The following MUC6 variants were observed in gnomAD, a reference collection of about 807,000 sequenced individuals.
MUC6 encodes mucin-6.
In MUC6, 188 loss-of-function variants were observed where a neutral mutation model predicts 201.5. The ratio of observed to expected loss-of-function variants is 0.93; its 90% confidence interval spans 0.83 to 1.05. The LOEUF (loss-of-function observed/expected upper bound fraction) is 1.05, where lower values mean the gene tolerates loss of function less well. Among genes scored for constraint, MUC6 ranks in the 50% least tolerant of loss-of-function variants. The pLI is 0.00. For missense variants in MUC6, 2,706 were observed against 3,256.9 expected (o/e 0.83, Z 4.12); for synonymous variants, 1,228 against 1,389.4 (o/e 0.88, Z 2.58).
chr11:1,035,779 C>G (rs915631255), intron 1 of MUC6, among the ~76,000 whole-genome samples: 11 of 152,148 alleles, frequency 7.2e-5, no homozygotes, highest in African/African-American at 2.4e-4. Flanking sequence ...CCCCAGGGGG[C>G]TCCCGGCTGT....
Position 1,015,859 on chromosome 11 carries a change from A to G in MUC6, c.6942T>C (p.Pro2314=), listed in dbSNP as rs375312933. 6.2e-7 allele frequency: 1 copy of G among 1,606,504 alleles called. No individual in the cohort carries two copies. Among genetic ancestry groups the G allele is most frequent in the Non-Finnish European group, 8.5e-7 (1 of 1,175,920 alleles). ...GGGAGCTGGTCAGGAACCGTGTGGT[A>G]GGCGACAAGGTGGGACCAGGGTGCC... ...TTRHPGPTLS[P]TTRFLTSSLT... is the part of the protein sequence containing the mutation. Residue 2314 remains proline (P), a synonymous_variant, in exon 31 of 33, where the codon CCT becomes CCC. Transcript: ENST00000421673.
intron 20 of MUC6, 47 bp downstream of exon 20, chr11:1,026,280 A>C: frequency 6.5e-7 from 1 of 1,549,656 alleles, no homozygotes; most frequent in Non-Finnish European, 8.7e-7. Context: ...CGCCTGCCCC[A>C]GATGGCCCCA....
At chr11:1,019,826 C>T (rs1052641307) in intron 29 of MUC6, 7 of 646,342 alleles carry the variant, frequency 1.1e-5, no homozygotes, top group Non-Finnish European at 1.9e-5. Flanking sequence ...GGCAGGCTGC[C>T]TGGCAGAGGC....
At position 1,027,673 on chromosome 11, in the gene MUC6, T is replaced by A. The variant is rs1365464144; in HGVS notation, c.1981+12A>T. 1 of 1,592,208 alleles carries A rather than the reference T, an allele frequency of 6.3e-7. No homozygotes were observed. Among genetic ancestry groups the A allele is most frequent in the East Asian group, 2.3e-5 (1 of 43,550 alleles). Reference sequence around the variant, plus strand: ...CTGCCGTGACCCCGCTTAAGCCCCGTCGGGCACTCACTGCAGTTGTCCACA... The same window carrying A: ...CTGCCGTGACCCCGCTTAAGCCCCGACGGGCACTCACTGCAGTTGTCCACA... On this transcript the variant is annotated intron_variant, in intron 16 of 32. Coordinates refer to ENST00000421673, the MANE Select transcript of MUC6 (RefSeq NM_005961.3).
At chr11:1,014,775 C>T (rs1446127815) in intron 31 of MUC6, among the ~76,000 whole-genome samples, 1 of 152,204 alleles carries the variant, frequency 6.6e-6, no homozygotes, top group African/African-American at 2.4e-5. Context: ...GCCTACCTGC[C>T]CGCTGCAGAG....
chr11:1,032,577 GGT>G (rs148681524), intron 2 of MUC6, among the ~76,000 whole-genome samples: 3,212 of 151,166 alleles, frequency 0.021, 122 homozygotes, highest in African/African-American at 0.074. Context: ...GTGTGTGTAG[GGT>G]GTGTGTGTGT....
chr11:1,019,394 G>A lies in MUC6; in HGVS notation c.3911C>T (p.Ala1304Val), dbSNP rs373010370. The change falls in exon 30 of 33, where the codon GCC (alanine) becomes GTC (valine). Residue 1304 changes from alanine (A) to valine (V), a missense_variant. This residue lies in a region of MUC6 where 1,850 missense variants were observed against 1,958.3 expected (regional missense o/e 0.94). Transcript: ENST00000421673. ...GGTCGACGCCGTGGCCCTGGTTGTG[G>A]CCTGGGTCACTGTGGGTTTTGTGGC... is the stretch of plus-strand genomic sequence containing the variant. The part of the protein sequence containing the change: ...STATKPTVTQ[A>V]TTRATASTAS... The A allele has an allele frequency of 6.2e-7, 1 of 1,613,814 alleles. No individual in the cohort carries two copies. Among genetic ancestry groups the A allele is most frequent in the Non-Finnish European group, 8.5e-7 (1 of 1,179,736 alleles).
chr11:1,026,974 G>C lies in MUC6; in HGVS notation c.2361C>G (p.Pro787=). Residue 787 remains proline, a synonymous_variant, in exon 19 of 33, where the codon CCC becomes CCG. Coordinates refer to ENST00000421673, the MANE Select transcript of MUC6 (RefSeq NM_005961.3). ...CACCGGTGGCCAGCATCTGGCATGTGGGGGCACAGGCTGCCCCAAACTTGT... is the reference window on the plus strand; with the variant it reads ...CACCGGTGGCCAGCATCTGGCATGTCGGGGCACAGGCTGCCCCAAACTTGT... The part of the protein sequence containing the change: ...SENKFGAACA[P]TCQMLATGVA... 1 of 1,598,396 alleles carries C rather than the reference G, an allele frequency of 6.3e-7. No homozygotes were observed. Among genetic ancestry groups the C allele is most frequent in the Non-Finnish European group, 8.5e-7 (1 of 1,173,278 alleles).
At chr11:1,031,563 C>T (rs961240329) in intron 4 of MUC6, 44 bp downstream of exon 4, 92 of 1,536,346 alleles carry the variant, frequency 6.0e-5, no homozygotes, top group Middle Eastern at 2.3e-4. Context: ...CCTGCCCCCC[C>T]GTGCTGCGGG....
Position 1,032,021 on chromosome 11 carries a change from C to T in MUC6, c.148G>A (p.Ala50Thr). 1 of 1,613,394 alleles carries T rather than the reference C, an allele frequency of 6.2e-7. No individual in the cohort carries two copies. The highest frequency in any genetic ancestry group is 8.5e-7 in the Non-Finnish European group (1 of 1,179,868). The change falls in exon 3 of 33, where the codon GCT (alanine) becomes ACT (threonine). Residue 50 changes from alanine (A) to threonine (T), a missense_variant. Physicochemically the swap from Ala to Thr is moderately conservative, Grantham distance 58. This residue lies in a region of MUC6 where 1,850 missense variants were observed against 1,958.3 expected (regional missense o/e 0.94). Transcript: ENST00000421673. ...TGGTCGAAGGTGGAGAAGTGACCAG[C>T]CCCCCACGTGGAGCACTGGCCTTTG... ...PDKGQCSTWG[A>T]GHFSTFDHHV... is the part of the protein sequence containing the mutation.
At position 1,016,636 on chromosome 11, in the gene MUC6, T is replaced by C; in HGVS notation, c.6165A>G (p.Thr2055=). The C allele has an allele frequency of 6.2e-7, 1 of 1,614,118 alleles. No homozygotes were observed. The highest frequency in any genetic ancestry group is 8.5e-7 in the Non-Finnish European group (1 of 1,179,904). The change falls in exon 31 of 33, where the codon ACA becomes ACG. Residue 2055 remains threonine, a synonymous_variant. Transcript: ENST00000421673. Reference sequence around the variant, plus strand: ...TTGGTGGGGCTGTGTGGGTGGACCCTGTGGCCTTGAGCGTTGTTGGTGGAG... The same window carrying C: ...TTGGTGGGGCTGTGTGGGTGGACCCCGTGGCCTTGAGCGTTGTTGGTGGAG... ...TVPPPTTLKA[T]GSTHTAPPMT...
chr11:1,035,128 C>T (rs911446218), intron 1 of MUC6, among the ~76,000 whole-genome samples: 1 of 152,122 alleles, frequency 6.6e-6, no homozygotes, highest in Non-Finnish European at 1.5e-5. Context: ...GCGGCCCAGG[C>T]CTGCAGCCCG....
intron 2 of MUC6, 120 bp downstream of exon 2, chr11:1,032,893 G>T: frequency 1.3e-6 from 1 of 782,298 alleles, no homozygotes. Context: ...GTTCATGTTG[G>T]TGCATATATG....
In MUC6 at chr11:1,015,747, A is replaced by C. The variant is rs73393722; in HGVS notation, c.7039+15T>G. ...GAGGTGAGGCCAGGAGAAGGGCCAC[A>C]GAGATGCCACTTACCGGGTGAGGTG... On this transcript the variant is annotated intron_variant, in intron 31 of 32. Coordinates refer to ENST00000421673, the MANE Select transcript of MUC6 (RefSeq NM_005961.3). The C allele has an allele frequency of 1.5e-3, 2,362 of 1,526,394 alleles. 30 individuals are homozygous for C. The African/African-American group carries it at 0.029, about 19-fold the overall frequency. The allele number at this position is 1,526,394 out of a possible 1,614,324, so 94.6% of individuals were successfully genotyped here.
In MUC6 at chr11:1,026,367, A is replaced by G; in HGVS notation, c.2506T>C (p.Tyr836His). The G allele has an allele frequency of 6.2e-7, 1 of 1,602,476 alleles. No homozygotes were observed. The highest frequency in any genetic ancestry group is 8.5e-7 in the Non-Finnish European group (1 of 1,175,114). The change falls in exon 20 of 33, where the codon TAC (tyrosine) becomes CAC (histidine). Residue 836 changes from tyrosine to histidine, a missense_variant. This residue lies in a region of MUC6 where 1,850 missense variants were observed against 1,958.3 expected (regional missense o/e 0.94). Transcript: ENST00000421673. Reference protein sequence around the residue: ...ECPCEFSGVSYPGGAELHTDC... With the variant: ...ECPCEFSGVSHPGGAELHTDC... ...GTGTGGAGCTCAGCTCCTCCAGGGTAGGAGACCCCCGAGAACTCACATGGG... is the reference window on the plus strand; with the variant it reads ...GTGTGGAGCTCAGCTCCTCCAGGGTGGGAGACCCCCGAGAACTCACATGGG...
In MUC6 at chr11:1,024,112, G is replaced by T. The variant is rs369458657; in HGVS notation, c.3226-9C>A. Reference sequence around the variant, plus strand: ...TAGGGCAGGTGGTATACCTGCAGGGGTGTGTGCCAGTCAGTGTCTGGCTGC... The same window carrying T: ...TAGGGCAGGTGGTATACCTGCAGGGTTGTGTGCCAGTCAGTGTCTGGCTGC... On this transcript the variant is annotated splice_polypyrimidine_tract_variant and intron_variant, in intron 24 of 32. Transcript: ENST00000421673. 35 of 1,610,296 alleles carry T rather than the reference G, an allele frequency of 2.2e-5. No homozygotes were observed. Among genetic ancestry groups the T allele is most frequent in the Non-Finnish European group, 2.9e-5 (34 of 1,179,036 alleles).
intron 26 of MUC6, among the ~76,000 whole-genome samples, chr11:1,022,191 CCTCA>C (rs1233816609): frequency 2.7e-5 from 4 of 147,858 alleles, no homozygotes; most frequent in South Asian, 2.2e-4. Context: ...GCCCCGCGCC[CCTCA>C]CTCACTCCCT....
At chr11:1,026,271 G>A (rs1156495247) in intron 20 of MUC6, 56 bp downstream of exon 20, 3 of 1,546,944 alleles carry the variant, frequency 1.9e-6, no homozygotes, top group Non-Finnish European at 1.7e-6. Context: ...GGCAGCCTCC[G>A]CCTGCCCCAG....
chr11:1,025,774 C>G, intron 22 of MUC6, 31 bp downstream of exon 22: 1 of 1,583,722 alleles, frequency 6.3e-7, no homozygotes, highest in Admixed American at 1.7e-5. Flanking sequence ...ACCGCCCGTC[C>G]TGCCCTGCCA....
Sources: allele counts gnomAD v4.1 joint callset (sites outside exome capture counted in the v4.1 genomes callset), GRCh38; gene constraint gnomAD v4.1.1; regional missense constraint gnomAD v4.1.1; transcripts MANE v1.5; gene names NCBI Gene and HGNC (gene_info 2026-07-23, HGNC 2026-07-21).